Variants in PPP2R3A observed in about 807,000 individuals in gnomAD.
The protein encoded by PPP2R3A is serine/threonine-protein phosphatase 2A regulatory subunit B'' subunit alpha.
PPP2R3A carries 80 observed loss-of-function variants against 106.9 expected under a neutral mutation model. The observed-to-expected ratio is 0.75, with a 90% CI of 0.62 to 0.90. PPP2R3A has a LOEUF of 0.90. Among genes scored for constraint, PPP2R3A ranks in the 40% least tolerant of loss-of-function variants. PPP2R3A has a pLI of 0.00. For missense variants in PPP2R3A, 1,386 were observed against 1,350.4 expected (o/e 1.03, Z -0.41); for synonymous variants, 483 against 468.3 (o/e 1.03, Z -0.41).
chr3:135,993,052 A>G (rs891252073), intron 1 of PPP2R3A, among the ~76,000 whole-genome samples: 1 of 152,208 alleles, frequency 6.6e-6, no homozygotes, highest in African/African-American at 2.4e-5. Flanking sequence ...GGTAGTATAT[A>G]TAAATGTATT....
intron 1 of PPP2R3A, among the ~76,000 whole-genome samples, chr3:135,981,672 A>G (rs917053039): frequency 2.6e-5 from 4 of 151,800 alleles, no homozygotes; most frequent in African/African-American, 9.7e-5. Context: ...TGTACATTCT[A>G]TTGCAGGGAT....
intron 10 of PPP2R3A, among the ~76,000 whole-genome samples, chr3:136,094,184 A>G (rs1358122986): frequency 6.6e-6 from 1 of 152,224 alleles, no homozygotes; most frequent in Non-Finnish European, 1.5e-5. Flanking sequence ...GAAACAGGAA[A>G]TAGGTTAATG....
chr3:135,988,842 A>AT (rs1409673861), intron 1 of PPP2R3A, among the ~76,000 whole-genome samples: 1 of 152,150 alleles, frequency 6.6e-6, no homozygotes, highest in African/African-American at 2.4e-5. Context: ...TTAATTAAAT[A>AT]TTTTTGGTGA....
At chr3:136,049,158 C>G in intron 4 of PPP2R3A, 101 bp from the exon 5 acceptor site, 1 of 789,548 alleles carries the variant, frequency 1.3e-6, no homozygotes, top group Non-Finnish European at 2.1e-6. Context: ...GATTGTTGAT[C>G]TGAGTGGCCT....
intron 13 of PPP2R3A, among the ~76,000 whole-genome samples, chr3:136,108,199 C>G (rs1409712822): frequency 6.9e-6 from 1 of 144,302 alleles, no homozygotes; most frequent in East Asian, 1.9e-4. Flanking sequence ...GCCTGCAGAG[C>G]TAGCTAGACC....
intron 2 of PPP2R3A, 108 bp downstream of exon 2, chr3:136,003,601 C>A: frequency 2.1e-6 from 2 of 948,848 alleles, no homozygotes; most frequent in Non-Finnish European, 3.1e-6. Context: ...TCTACTAAAG[C>A]TCTGCCCTAC....
intron 8 of PPP2R3A, among the ~76,000 whole-genome samples, chr3:136,085,466 G>A (rs1936903093): frequency 6.6e-6 from 1 of 152,114 alleles, no homozygotes; most frequent in Non-Finnish European, 1.5e-5. Flanking sequence ...GACTAATACA[G>A]ATGGGGTTTC....
chr3:136,035,238 A>G (rs186527894), intron 3 of PPP2R3A, among the ~76,000 whole-genome samples: 3 of 152,292 alleles, frequency 2.0e-5, no homozygotes, highest in Admixed American at 6.5e-5. Context: ...GATATGAGGT[A>G]CCATTCCATT....
chr3:136,100,603 C>T lies in PPP2R3A; in HGVS notation c.2928-1404C>T, dbSNP rs1026018332. ...CTGAGGCAGAAGAATCACTTGAACC[C>T]GGGAGGCAGAGGTTGCGGTGCCAAG... On this transcript the variant is annotated intron_variant, in intron 10 of 13. Transcript: ENST00000264977. Among the ~76,000 whole-genome samples, 25 of 152,062 alleles carry T rather than the reference C, an allele frequency of 1.6e-4. 1 individual carries two copies. In the South Asian group the frequency reaches 3.1e-3, roughly 19 times the overall value.
intron 8 of PPP2R3A, among the ~76,000 whole-genome samples, chr3:136,083,148 G>T (rs1475128796): frequency 1.3e-5 from 2 of 152,004 alleles, no homozygotes; most frequent in African/African-American, 4.8e-5. Flanking sequence ...TAAGTAGCTG[G>T]GACTACAGGC....
intron 2 of PPP2R3A, among the ~76,000 whole-genome samples, chr3:136,026,038 C>G (rs1199505348): frequency 2.6e-5 from 4 of 152,130 alleles, no homozygotes; most frequent in Admixed American, 6.6e-5. Context: ...CCCTGCCACT[C>G]TTTACTGACC....
At chr3:136,005,187 A>G (rs1393044246) in intron 2 of PPP2R3A, among the ~76,000 whole-genome samples, 3 of 152,332 alleles carry the variant, frequency 2.0e-5, no homozygotes, top group African/African-American at 7.2e-5. Flanking sequence ...TCTTTAAAAT[A>G]CTGTGTAAAA....
At chr3:136,073,649 G>A (rs1936510081) in intron 6 of PPP2R3A, among the ~76,000 whole-genome samples, 1 of 152,170 alleles carries the variant, frequency 6.6e-6, no homozygotes, top group Non-Finnish European at 1.5e-5. Flanking sequence ...ACGTGAATAT[G>A]TACTGAGATA....
At chr3:136,004,923 T>A (rs1394618291) in intron 2 of PPP2R3A, among the ~76,000 whole-genome samples, 3 of 152,230 alleles carry the variant, frequency 2.0e-5, no homozygotes, top group African/African-American at 7.2e-5. Context: ...ATGCCATTTA[T>A]GTGGCCAAGT....
rs748338834 is a variant in PPP2R3A at position 136,078,416 on chromosome 3, T to C, written c.2594T>C (p.Ile865Thr). 1.9e-6 allele frequency: 3 copies of C among 1,611,216 alleles called. No individual in the cohort carries two copies. Among genetic ancestry groups the C allele is most frequent in the East Asian group, 2.2e-5 (1 of 44,804 alleles). The change falls in exon 7 of 14, where the codon ATT (isoleucine) becomes ACT (threonine). Residue 865 changes from isoleucine (I) to threonine (T), a missense_variant. Ile to Thr is a moderately conservative substitution (Grantham distance 89). Coordinates refer to ENST00000264977, the MANE Select transcript of PPP2R3A (RefSeq NM_002718.5). ...YTVNRSWSGKITSTEIRKSNF... is the reference protein window; with the variant it reads ...YTVNRSWSGKTTSTEIRKSNF... ...GTCAACAGATCTTGGAGTGGAAAAA[T>C]TACTTCGACAGAGATAAGAAAAAGC...
chr3:135,976,407 A>G (rs1368840020), intron 1 of PPP2R3A, among the ~76,000 whole-genome samples: 1 of 152,186 alleles, frequency 6.6e-6, no homozygotes, highest in African/African-American at 2.4e-5. Context: ...GGCTCTCTTG[A>G]GCATTTGGCA....
intron 5 of PPP2R3A, among the ~76,000 whole-genome samples, chr3:136,069,161 A>G (rs993668452): frequency 7.2e-5 from 11 of 152,204 alleles, no homozygotes; most frequent in Non-Finnish European, 1.6e-4. Flanking sequence ...TATCTTATCC[A>G]TGTTCATTTT....
chr3:136,023,310 C>T, intron 2 of PPP2R3A: 2 of 901,396 alleles, frequency 2.2e-6, no homozygotes, highest in Non-Finnish European at 3.3e-6. Flanking sequence ...TTTACAGCTC[C>T]CTTGTATCTT....
intron 1 of PPP2R3A, among the ~76,000 whole-genome samples, chr3:135,967,892 GGATGTT>G (rs1937135408): frequency 6.6e-6 from 1 of 152,168 alleles, no homozygotes; most frequent in African/African-American, 2.4e-5. Context: ...GTGCAGCGTA[GGATGTT>G]TAGCAGCATT....
Sources: gnomAD v4.1 joint callset for allele counts (sites outside exome capture counted in the v4.1 genomes callset) on GRCh38, gnomAD v4.1.1 for gene constraint, MANE v1.5 for transcripts, NCBI Gene and HGNC (gene_info 2026-07-23, HGNC 2026-07-21) for gene names.